Variants in SLC38A1 observed in about 807,000 individuals in gnomAD.
SLC38A1 encodes the protein sodium-coupled neutral amino acid symporter 1.
SLC38A1 carries 18 observed loss-of-function variants against 60.3 expected under a neutral mutation model. The ratio of observed to expected loss-of-function variants is 0.30; its 90% confidence interval spans 0.21 to 0.44. SLC38A1 has a LOEUF of 0.44. Among genes scored for constraint, SLC38A1 ranks in the 20% least tolerant of loss-of-function variants. The pLI is 1.00. For missense variants in SLC38A1, 448 were observed against 587.2 expected, an observed-to-expected ratio of 0.76 and a Z score of 2.45; for synonymous variants, 196 against 212.1, an observed-to-expected ratio of 0.92 and a Z score of 0.66.
chr12:46,262,768 G>A (rs1447974011), intron 1 of SLC38A1, among the ~76,000 whole-genome samples: 1 of 152,120 alleles, frequency 6.6e-6, no homozygotes, highest in Non-Finnish European at 1.5e-5. Context: ...TTTATAAAAA[G>A]AAATCTTAAA....
At position 46,246,508 on chromosome 12, in the gene SLC38A1, C is replaced by T. The variant is rs140627051; in HGVS notation, c.-208-3194G>A. ...TAGATAAACAAAGCAGCCAAGGAAGCTCGAACTGGGTGGAGCCCACCACAG... is the reference window on the plus strand; with the variant it reads ...TAGATAAACAAAGCAGCCAAGGAAGTTCGAACTGGGTGGAGCCCACCACAG... On this transcript the variant is annotated intron_variant, in intron 1 of 16. Transcript: ENST00000398637. Among the ~76,000 whole-genome samples the T allele has an allele frequency of 7.2e-5, 11 of 152,362 alleles. No individual in the cohort carries two copies. In the East Asian group the frequency reaches 2.1e-3, roughly 29 times the overall value.
intron 1 of SLC38A1, among the ~76,000 whole-genome samples, chr12:46,253,855 G>C (rs948913890): frequency 6.6e-6 from 1 of 152,108 alleles, no homozygotes; most frequent in African/African-American, 2.4e-5. Flanking sequence ...TAGGGGTGAT[G>C]GTATTCCTAC....
At position 46,229,257 on chromosome 12, in the gene SLC38A1, T is replaced by G; in HGVS notation, c.210A>C (p.Thr70=). ...KKKCDEYIPG[T]TSLGMSVFNL... ...TAAAAACAGACATGCCTAAGGAGGT[T>G]GTACCTGGAATCTGAACAAAGAAAC... The change falls in exon 5 of 17, where the codon ACA becomes ACC. Residue 70 remains threonine, a synonymous_variant. Coordinates refer to ENST00000398637, the MANE Select transcript of SLC38A1 (RefSeq NM_030674.4). 2 of 1,609,936 alleles carry G rather than the reference T, an allele frequency of 1.2e-6. No individual in the cohort carries two copies. Among genetic ancestry groups the G allele is most frequent in the South Asian group, 1.1e-5 (1 of 90,700 alleles).
At chr12:46,245,173 C>T (rs1306805228) in intron 1 of SLC38A1, among the ~76,000 whole-genome samples, 38 of 152,196 alleles carry the variant, frequency 2.5e-4, no homozygotes, top group Admixed American at 2.5e-3. Context: ...TATCTTGCCA[C>T]ATACACTTAA....
rs1162575198 is a variant in SLC38A1 at position 46,248,510 on chromosome 12, G to A, written c.-208-5196C>T. Among the ~76,000 whole-genome samples, 3 of 152,294 alleles carry A rather than the reference G, an allele frequency of 2.0e-5. No individual in the cohort carries two copies. The East Asian group carries it at 5.8e-4, about 29-fold the overall frequency. On this transcript the variant is annotated intron_variant, in intron 1 of 16. Transcript: ENST00000398637. ...CCTAAATATATATGCACCCAATACA[G>A]GAGCACCCAGACTCATAAAGCAAGT...
chr12:46,252,139 C>T (rs1050001994), intron 1 of SLC38A1, among the ~76,000 whole-genome samples: 2 of 152,090 alleles, frequency 1.3e-5, no homozygotes, highest in African/African-American at 4.8e-5. Flanking sequence ...ACATATACAC[C>T]ATGGAATACT....
rs1592282195 is a variant in SLC38A1, at chr12:46,184,108, T to C, written c.*4862A>G. The C allele has an allele frequency of 6.5e-6, 1 of 152,752 alleles. No individual in the cohort carries two copies. Among genetic ancestry groups the C allele is most frequent in the Middle Eastern group, 3.4e-3 (1 of 294 alleles). 9.5% of individuals were successfully genotyped at this position (152,752 alleles called of 1,614,324 possible). On this transcript the variant is annotated 3_prime_UTR_variant, in exon 17 of 17. Transcript: ENST00000398637. ...CTGTATACAGATGGGCCCAGTTTCA[T>C]AGCCCTTCCTTAGATAAAAGCCTAA...
chr12:46,197,781 G>A lies in SLC38A1; in HGVS notation c.1301C>T (p.Pro434Leu). The change falls in exon 16 of 17, where the codon CCT becomes CTT. Residue 434 changes from proline to leucine, a missense_variant. Around this residue, in one of 2 missense-constraint regions of SLC38A1, gnomAD observed 346 missense variants for 497.5 expected, o/e 0.70. Transcript: ENST00000398637. Reference sequence around the variant, plus strand: ...TGTGATTTTTAAATAAAGAGATGAAGGAAGAATGAAAATAAGCATGTTAGC... The same window carrying A: ...TGTGATTTTTAAATAAAGAGATGAAAGAAGAATGAAAATAAGCATGTTAGC... ...TSANMLIFILPSSLYLKITDQ... is the reference protein window; with the variant it reads ...TSANMLIFILLSSLYLKITDQ... The A allele has an allele frequency of 1.2e-6, 2 of 1,602,606 alleles. No homozygotes were observed. The highest frequency in any genetic ancestry group is 1.7e-6 in the Non-Finnish European group (2 of 1,177,046).
intron 16 of SLC38A1, chr12:46,196,398 G>A: frequency 1.5e-6 from 2 of 1,324,636 alleles, no homozygotes; most frequent in East Asian, 5.1e-5. Flanking sequence ...CCATTTGGAA[G>A]ACCCTACTAC....
At chr12:46,256,600 T>TGC (rs199718377) in intron 1 of SLC38A1, among the ~76,000 whole-genome samples, 310 of 141,696 alleles carry the variant, frequency 2.2e-3, no homozygotes, top group South Asian at 0.014. Context: ...TCATCCAGTT[T>TGC]GCGCGCGCGC....
intron 16 of SLC38A1, among the ~76,000 whole-genome samples, chr12:46,191,916 A>T (rs996815923): frequency 6.6e-6 from 1 of 151,994 alleles, no homozygotes. Flanking sequence ...ATTGAATACC[A>T]TTTTCATTCT....
intron 1 of SLC38A1, among the ~76,000 whole-genome samples, chr12:46,255,517 A>G (rs1210045789): frequency 6.6e-6 from 1 of 152,218 alleles, no homozygotes; most frequent in Non-Finnish European, 1.5e-5. Context: ...CTAACTGAAA[A>G]CAATTCTTTA....
chr12:46,263,484 G>A (rs117727043), intron 1 of SLC38A1, among the ~76,000 whole-genome samples: 1,713 of 152,190 alleles, frequency 0.011, 15 homozygotes, highest in Non-Finnish European at 0.017. Flanking sequence ...AAAAGAAAGC[G>A]TAAGTCACAT....
In SLC38A1 at chr12:46,185,996, A is replaced by G. The variant is rs1257717177; in HGVS notation, c.*2974T>C. On this transcript the variant is annotated 3_prime_UTR_variant, in exon 17 of 17. Transcript: ENST00000398637. ...CTCCCTGGAAACAATATTATATTTGATGGTTAGATTCTTTAGCAAACCTAT... is the reference window on the plus strand; with the variant it reads ...CTCCCTGGAAACAATATTATATTTGGTGGTTAGATTCTTTAGCAAACCTAT... 1 of 152,178 alleles carries G rather than the reference A, an allele frequency of 6.6e-6. No homozygotes were observed. The highest frequency in any genetic ancestry group is 2.4e-5 in the African/African-American group (1 of 41,444). 9.4% of individuals were successfully genotyped at this position (152,178 alleles called of 1,614,324 possible).
At chr12:46,226,885 G>T (rs1940887495) in intron 5 of SLC38A1, among the ~76,000 whole-genome samples, 1 of 152,122 alleles carries the variant, frequency 6.6e-6, no homozygotes, top group African/African-American at 2.4e-5. Flanking sequence ...CTCCCAAAGT[G>T]CTGGGATTAT....
chr12:46,250,495 A>G (rs1301921435), intron 1 of SLC38A1, among the ~76,000 whole-genome samples: 1 of 152,242 alleles, frequency 6.6e-6, no homozygotes, highest in Non-Finnish European at 1.5e-5. Context: ...CAGGGCAATC[A>G]GGCAAGAGAA....
intron 5 of SLC38A1, among the ~76,000 whole-genome samples, chr12:46,219,943 ATG>A (rs753396962): frequency 3.9e-4 from 60 of 152,300 alleles, no homozygotes; most frequent in South Asian, 6.2e-4. Flanking sequence ...ACTCTAGCGC[ATG>A]TGCGCGCACA....
At chr12:46,211,084 A>C (rs2137321147) in intron 5 of SLC38A1, among the ~76,000 whole-genome samples, 1 of 152,312 alleles carries the variant, frequency 6.6e-6, no homozygotes. Flanking sequence ...CAAGTAAGAT[A>C]AGCAATATTT....
chr12:46,229,681 T>C (rs1422128835), intron 3 of SLC38A1, 42 bp from the exon 4 acceptor site: 2 of 1,520,124 alleles, frequency 1.3e-6, no homozygotes, highest in South Asian at 1.1e-5. Flanking sequence ...ATGATAATGA[T>C]TTGAAGCTTG....
Sources: gnomAD v4.1 joint callset for allele counts (sites outside exome capture counted in the v4.1 genomes callset) on GRCh38, gnomAD v4.1.1 for gene constraint, gnomAD v4.1.1 regional missense constraint, MANE v1.5 for transcripts, NCBI Gene and HGNC (gene_info 2026-07-23, HGNC 2026-07-21) for gene names.